Variants in SPECC1 observed in about 807,000 individuals in gnomAD.
The protein encoded by SPECC1 is cytospin-B.
A neutral mutation model predicts 104.1 loss-of-function variants in SPECC1; 62 were observed. The ratio of observed to expected loss-of-function variants is 0.60; its 90% CI spans 0.49 to 0.74. The LOEUF (loss-of-function observed/expected upper bound fraction) is 0.74, where lower values mean the gene tolerates loss of function less well. Ranked by LOEUF, SPECC1 falls within the 30% of genes least tolerant of loss-of-function variation. The pLI is 0.00. For missense variants in SPECC1, 1,306 were observed against 1,310.5 expected, an observed-to-expected ratio of 1.00 and a Z score of 0.05; for synonymous variants, 513 against 501.6, an observed-to-expected ratio of 1.02 and a Z score of -0.30.
intron 7 of SPECC1, among the ~76,000 whole-genome samples, chr17:20,240,060 A>AATTT (rs1346205628): frequency 7.5e-4 from 24 of 32,180 alleles, no homozygotes; most frequent in Non-Finnish European, 1.1e-3. Flanking sequence ...TGTCCAGCTA[A>AATTT]TTTTTTTTTT....
In SPECC1 at chr17:20,315,008, T is replaced by TCTG. The variant is rs1187953059; in HGVS notation, c.*944_*945insTGC. The TCTG allele has an allele frequency of 1.3e-5, 3 of 232,638 alleles. No individual in the cohort carries two copies. Among genetic ancestry groups the TCTG allele is most frequent in the African/African-American group, 6.6e-5 (3 of 45,324 alleles). 14.4% of individuals were successfully genotyped at this position (232,638 alleles called of 1,614,324 possible). A position where few individuals can be genotyped will look rare whatever the true frequency, so the allele number is the denominator to read the frequency against. ...TTTCACAGTAGGGAAACCGCAGTCC[T>TCTG]CGTCACCTGCGCCTTTGTCCTCCCA... On this transcript the variant is annotated 3_prime_UTR_variant, in exon 15 of 15. Coordinates refer to ENST00000395527, the MANE Select transcript of SPECC1 (RefSeq NM_001243439.2).
At chr17:20,149,392 CAT>C (rs1290312941) in intron 3 of SPECC1, among the ~76,000 whole-genome samples, 1 of 152,200 alleles carries the variant, frequency 6.6e-6, no homozygotes, top group Non-Finnish European at 1.5e-5. Context: ...TGGCTCACTG[CAT>C]AAACTGTGCA....
chr17:20,314,186 C>T lies in SPECC1; in HGVS notation c.*121C>T. The T allele has an allele frequency of 1.2e-6, 1 of 823,774 alleles. No homozygotes were observed. The highest frequency in any genetic ancestry group is 2.0e-6 in the Non-Finnish European group (1 of 503,062). 51.0% of individuals were successfully genotyped at this position (823,774 alleles called of 1,614,324 possible). Reference sequence around the variant, plus strand: ...CAGCTGCCTAGACTTCAAAGACAGGCTCAATCCAAGTGGACCAACACCCAA... The same window carrying T: ...CAGCTGCCTAGACTTCAAAGACAGGTTCAATCCAAGTGGACCAACACCCAA... On this transcript the variant is annotated 3_prime_UTR_variant, in exon 15 of 15. Transcript: ENST00000395527.
intron 14 of SPECC1, among the ~76,000 whole-genome samples, chr17:20,309,561 C>T (rs922362914): frequency 3.9e-5 from 6 of 152,036 alleles, no homozygotes; most frequent in African/African-American, 1.2e-4. Context: ...TCCTTTCTCC[C>T]TCTTGTAGTC....
At chr17:20,237,251 C>G (rs1054391524) in intron 7 of SPECC1, 2 of 1,211,632 alleles carry the variant, frequency 1.7e-6, no homozygotes, top group South Asian at 2.2e-5. Context: ...AGATGCAGAG[C>G]TGGGTACAGC....
chr17:20,117,213 C>G (rs1229839414), intron 3 of SPECC1, among the ~76,000 whole-genome samples: 2 of 151,808 alleles, frequency 1.3e-5, no homozygotes, highest in East Asian at 3.9e-4. Flanking sequence ...AGCTGGATCC[C>G]TATCTCATTC....
intron 3 of SPECC1, among the ~76,000 whole-genome samples, chr17:20,158,148 C>T (rs193007914): frequency 6.6e-6 from 1 of 152,190 alleles, no homozygotes; most frequent in East Asian, 1.9e-4. Flanking sequence ...GGTCGCATGG[C>T]CCCAACTGGC....
At chr17:20,160,219 C>T (rs1451578480) in intron 3 of SPECC1, among the ~76,000 whole-genome samples, 2 of 152,174 alleles carry the variant, frequency 1.3e-5, no homozygotes, top group African/African-American at 4.8e-5. Context: ...ATTGCTGCCT[C>T]ATGTCGCATC....
At chr17:20,231,004 G>A (rs1174569161) in intron 5 of SPECC1, among the ~76,000 whole-genome samples, 1 of 152,168 alleles carries the variant, frequency 6.6e-6, no homozygotes, top group African/African-American at 2.4e-5. Context: ...AATGCTCTAG[G>A]TTAGAGCATG....
intron 1 of SPECC1, among the ~76,000 whole-genome samples, chr17:20,056,064 G>A (rs74503262): frequency 0.074 from 11,197 of 152,214 alleles, 554 homozygotes; most frequent in African/African-American, 0.14. Context: ...GTCTTAGTTT[G>A]GGATGGAAAG....
At chr17:20,241,674 A>G (rs1332565536) in intron 7 of SPECC1, among the ~76,000 whole-genome samples, 4 of 149,598 alleles carry the variant, frequency 2.7e-5, no homozygotes, top group African/African-American at 1.0e-4. Flanking sequence ...CTGGTGTTCA[A>G]ATTACTTTCT....
chr17:20,080,575 G>A (rs1186149308), intron 1 of SPECC1, among the ~76,000 whole-genome samples: 7 of 152,032 alleles, frequency 4.6e-5, no homozygotes, highest in Non-Finnish European at 7.4e-5. Context: ...GCTGCCTCTT[G>A]GGGAAGGCAG....
At chr17:20,094,774 AT>A (rs2047565721) in intron 1 of SPECC1, among the ~76,000 whole-genome samples, 1 of 151,520 alleles carries the variant, frequency 6.6e-6, no homozygotes, top group Non-Finnish European at 1.5e-5. Context: ...TAATTTTTGT[AT>A]TTTTTGTAGA....
intron 2 of SPECC1, among the ~76,000 whole-genome samples, chr17:20,102,455 C>T (rs1022330668): frequency 1.3e-5 from 2 of 152,188 alleles, no homozygotes; most frequent in African/African-American, 4.8e-5. Context: ...GCCTGCAGCA[C>T]ATCATACTTA....
chr17:20,020,306 G>T (rs533890767), intron 1 of SPECC1, among the ~76,000 whole-genome samples: 2 of 152,176 alleles, frequency 1.3e-5, no homozygotes, highest in African/African-American at 2.4e-5. Flanking sequence ...AGTCAGCCTG[G>T]ATCTAGTTTC....
chr17:20,020,633 T>A (rs918367441), intron 1 of SPECC1, among the ~76,000 whole-genome samples: 11 of 152,200 alleles, frequency 7.2e-5, no homozygotes, highest in African/African-American at 1.9e-4. Context: ...CGCCTGGCCC[T>A]CCCTTTCCTT....
Position 20,108,031 on chromosome 17 carries a change from C to A in SPECC1, c.148-2396C>A, listed in dbSNP as rs115850273. On this transcript the variant is annotated intron_variant, in intron 2 of 14. Coordinates refer to ENST00000395527, the MANE Select transcript of SPECC1 (RefSeq NM_001243439.2). Reference sequence around the variant, plus strand: ...AAAACAAAAAGACTTCTACCGTCATCCCTCTTGTTAAAAGGCAATGGCGAG... The same window carrying A: ...AAAACAAAAAGACTTCTACCGTCATACCTCTTGTTAAAAGGCAATGGCGAG... Among the ~76,000 whole-genome samples, 1,176 of 152,226 alleles carry A rather than the reference C, an allele frequency of 7.7e-3. 17 individuals carry two copies. The highest frequency in any genetic ancestry group is 0.027 in the African/African-American group (1,120 of 41,518).
chr17:20,270,813 T>C (rs1166923748), intron 12 of SPECC1, among the ~76,000 whole-genome samples: 1 of 152,224 alleles, frequency 6.6e-6, no homozygotes, highest in African/African-American at 2.4e-5. Flanking sequence ...TTAAGGTTAT[T>C]TAGTTTACAC....
intron 12 of SPECC1, among the ~76,000 whole-genome samples, chr17:20,264,415 A>G (rs1394966351): frequency 1.4e-5 from 2 of 145,890 alleles, no homozygotes; most frequent in African/African-American, 5.1e-5. Flanking sequence ...AGTAGTCCCC[A>G]GTATCTATTG....
Sources: allele counts gnomAD v4.1 joint callset (sites outside exome capture counted in the v4.1 genomes callset), GRCh38; gene constraint gnomAD v4.1.1; transcripts MANE v1.5; gene names NCBI Gene and HGNC (gene_info 2026-07-23, HGNC 2026-07-21).